The following EPS15L1 variants were observed in gnomAD, a reference collection of about 807,000 sequenced individuals.
EPS15L1 encodes epidermal growth factor receptor pathway substrate 15 like 1.
A neutral mutation model predicts 117.1 loss-of-function variants in EPS15L1; 43 were observed. That is an observed-to-expected ratio of 0.37 (90% CI 0.29 to 0.47). The LOEUF (loss-of-function observed/expected upper bound fraction) is 0.47. Ranked by LOEUF, EPS15L1 falls within the 20% of genes least tolerant of loss-of-function variation. The pLI, the probability that EPS15L1 is intolerant of heterozygous loss-of-function variation, is 0.99. For synonymous variants in EPS15L1, 459 were observed against 470.5 expected, an observed-to-expected ratio of 0.98 and a Z score of 0.32; for missense variants, 981 against 1,164.0, an observed-to-expected ratio of 0.84 and a Z score of 2.29.
chr19:16,466,361 TGAG>T (rs1281274115), intron 1 of EPS15L1, among the ~76,000 whole-genome samples: 1 of 152,070 alleles, frequency 6.6e-6, no homozygotes, highest in Non-Finnish European at 1.5e-5. Flanking sequence ...AGCCTGGTGG[TGAG>T]ACCTTTCCTG....
At chr19:16,462,581 T>C (rs567616010) in intron 1 of EPS15L1, among the ~76,000 whole-genome samples, 4 of 152,254 alleles carry the variant, frequency 2.6e-5, no homozygotes, top group South Asian at 2.1e-4. Flanking sequence ...TGAGGCAGAA[T>C]TGCTTGAGCC....
upstream of EPS15L1, chr19:16,471,981 CG>C (rs2093351049): frequency 2.4e-6 from 3 of 1,261,740 alleles, no homozygotes; most frequent in Admixed American, 4.2e-5. The surrounding 1 kb of genome is among the most constrained non-coding windows in gnomAD (Gnocchi z 4.8). Context: ...GCCGGGGGAA[CG>C]GGGGCGGGGC....
chr19:16,427,388 G>A (rs1182144479), intron 8 of EPS15L1, among the ~76,000 whole-genome samples: 1 of 152,154 alleles, frequency 6.6e-6, no homozygotes, highest in Non-Finnish European at 1.5e-5. Flanking sequence ...TTCTGAATGT[G>A]TGTATTACAC....
chr19:16,439,844 AC>A (rs2093012746), intron 4 of EPS15L1, among the ~76,000 whole-genome samples: 1 of 151,892 alleles, frequency 6.6e-6, no homozygotes, highest in South Asian at 2.1e-4. Flanking sequence ...GCCATCTACG[AC>A]CACTTAAAAT....
At position 16,355,719 on chromosome 19, in the gene EPS15L1, T is replaced by C; in HGVS notation, c.2719A>G (p.Met907Val). Residue 907 changes from methionine to valine, a missense_variant, in exon 24 of 24, where the codon ATG (methionine) becomes GTG (valine). Around this residue, in one of 5 missense-constraint regions of EPS15L1, gnomAD observed 819 missense variants for 949.0 expected, o/e 0.86. Coordinates refer to ENST00000455140, the MANE Select transcript of EPS15L1 (RefSeq NM_001258374.3). ...ELAIALSKAD[M>V]PAA ...ACGGCCCTCGCCTAGGCGGCAGGCA[T>C]GTCAGCCTTGCTGAGCGCGATGGCC... 2.6e-6 allele frequency: 4 copies of C among 1,535,804 alleles called. No homozygotes were observed. The highest frequency in any genetic ancestry group is 1.2e-5 in the South Asian group (1 of 84,028).
chr19:16,371,475 A>AG lies in EPS15L1; in HGVS notation c.2380+5646dup, dbSNP rs1386721777. On this transcript the variant is annotated intron_variant, in intron 22 of 23. Coordinates refer to ENST00000455140, the MANE Select transcript of EPS15L1 (RefSeq NM_001258374.3). The surrounding 1 kb of genome is among the most constrained non-coding windows in gnomAD (Gnocchi z 4.7). ...GCTGTTCGTTAGTGCAACTGTGGGGAGGGGGCGAAAAGACATGCTCATCAC... is the reference window on the plus strand; with the variant it reads ...GCTGTTCGTTAGTGCAACTGTGGGGAGGGGGGCGAAAAGACATGCTCATCAC... Among the ~76,000 whole-genome samples the AG allele has an allele frequency of 2.0e-5, 3 of 152,152 alleles. No individual in the cohort carries two copies. The highest frequency in any genetic ancestry group is 2.1e-4 in the South Asian group (1 of 4,834).
chr19:16,471,423 G>C lies in EPS15L1; in HGVS notation c.33+490C>G, dbSNP rs1412930837. 6.6e-6 allele frequency among the ~76,000 whole-genome samples: 1 copy of C among 152,218 alleles called. No homozygotes were observed. Among genetic ancestry groups the C allele is most frequent in the Non-Finnish European group, 1.5e-5 (1 of 68,042 alleles). ...GACGTACGATCTGCGCCCGGTGCAG[G>C]GGTGGCGGAAGCAGCTTCCAAGGAG... On this transcript the variant is annotated intron_variant, in intron 1 of 23. Transcript: ENST00000455140. The surrounding 1 kb of genome is among the most constrained non-coding windows in gnomAD (Gnocchi z 4.8).
At chr19:16,468,403 T>C (rs1227679695) in intron 1 of EPS15L1, among the ~76,000 whole-genome samples, 1 of 152,180 alleles carries the variant, frequency 6.6e-6, no homozygotes, top group Non-Finnish European at 1.5e-5. Flanking sequence ...TGGGGTGCAG[T>C]GGCGCGATCT....
intron 19 of EPS15L1, 37 bp downstream of exon 19, chr19:16,392,267 C>G: frequency 1.2e-6 from 2 of 1,611,828 alleles, no homozygotes; most frequent in South Asian, 2.2e-5. Flanking sequence ...ACAGAGCAGG[C>G]ACGCAGCTCT....
At chr19:16,375,413 AATGTGCAC>A (rs2092282677) in intron 22 of EPS15L1, among the ~76,000 whole-genome samples, 1 of 151,916 alleles carries the variant, frequency 6.6e-6, no homozygotes, top group South Asian at 2.1e-4. Context: ...CGCACGTGGG[AATGTGCAC>A]ATGCATGTGT....
At chr19:16,401,227 C>G (rs1263522391) in intron 16 of EPS15L1, 1 of 985,494 alleles carries the variant, frequency 1.0e-6, no homozygotes, top group East Asian at 1.1e-4. Context: ...ACACAAGAGA[C>G]AGATGAGCTC....
intron 1 of EPS15L1, among the ~76,000 whole-genome samples, chr19:16,461,112 T>C (rs1187830185): frequency 6.6e-6 from 1 of 150,924 alleles, no homozygotes; most frequent in African/African-American, 2.4e-5. Context: ...GAGACCATCC[T>C]GGCTAACACG....
chr19:16,407,478 T>A (rs1384410167), intron 13 of EPS15L1, among the ~76,000 whole-genome samples: 1 of 151,908 alleles, frequency 6.6e-6, no homozygotes, highest in Non-Finnish European at 1.5e-5. Context: ...GTTGCGTGAT[T>A]TTTTTGTTTC....
intron 1 of EPS15L1, among the ~76,000 whole-genome samples, chr19:16,452,821 G>A (rs1483698345): frequency 6.6e-6 from 1 of 151,050 alleles, no homozygotes; most frequent in African/African-American, 2.4e-5. Flanking sequence ...TTTTGAGATG[G>A]AGTCTCGCTC....
At chr19:16,440,654 A>G (rs1257124920) in intron 4 of EPS15L1, 2 of 393,344 alleles carry the variant, frequency 5.1e-6, no homozygotes, top group African/African-American at 4.2e-5. Flanking sequence ...ATAAATAAAT[A>G]AATAAAAGAT....
At chr19:16,376,430 G>C (rs936515924) in intron 22 of EPS15L1, among the ~76,000 whole-genome samples, 10 of 152,194 alleles carry the variant, frequency 6.6e-5, no homozygotes, top group Admixed American at 6.5e-4. Flanking sequence ...AGAATCCTCA[G>C]GGGACCCTCG....
At position 16,471,637 on chromosome 19, in the gene EPS15L1, G is replaced by A. The variant is rs574942102; in HGVS notation, c.33+276C>T. Among the ~76,000 whole-genome samples the A allele has an allele frequency of 6.6e-6, 1 of 152,098 alleles. No individual in the cohort carries two copies. Among genetic ancestry groups the A allele is most frequent in the African/African-American group, 2.4e-5 (1 of 41,430 alleles). ...GCCTCCGCGGGTCCCCGGCCTGGGA[G>A]CTTCAGCGGCGGCAGGGTCCGGGCC... On this transcript the variant is annotated intron_variant, in intron 1 of 23. Coordinates refer to ENST00000455140, the MANE Select transcript of EPS15L1 (RefSeq NM_001258374.3). The surrounding 1 kb of genome is among the most constrained non-coding windows in gnomAD (Gnocchi z 4.8).
chr19:16,449,886 C>G (rs1207410351), intron 1 of EPS15L1, among the ~76,000 whole-genome samples: 1 of 152,158 alleles, frequency 6.6e-6, no homozygotes, highest in Non-Finnish European at 1.5e-5. Flanking sequence ...TGCTGAATGA[C>G]AAAGGCCAAA....
intron 1 of EPS15L1, among the ~76,000 whole-genome samples, chr19:16,444,231 A>G (rs149585078): frequency 2.6e-5 from 4 of 152,048 alleles, no homozygotes; most frequent in Non-Finnish European, 4.4e-5. Context: ...AAAAACTAGA[A>G]TAACATGAAA....
Sources: gnomAD v4.1 joint callset for allele counts (sites outside exome capture counted in the v4.1 genomes callset) on GRCh38, gnomAD v4.1.1 for gene constraint, gnomAD v4.1.1 regional missense constraint, Gnocchi (gnomAD v3.1) non-coding constraint, MANE v1.5 for transcripts, NCBI Gene and HGNC (gene_info 2026-07-23, HGNC 2026-07-21) for gene names.